Variants in MFN1 observed in about 807,000 individuals in gnomAD.
MFN1 encodes mitofusin 1, also known as mitofusin-1.
In MFN1, 65 loss-of-function variants were observed where a neutral mutation model predicts 92.4. The observed-to-expected ratio is 0.70, with a 90% confidence interval of 0.58 to 0.86. The LOEUF is 0.86. MFN1 is among the 40% of genes least tolerant of loss of function. The probability of loss-of-function intolerance (pLI) is 0.00; values close to 1 mark genes in which losing one functional copy is unlikely to be tolerated. For synonymous variants in MFN1, 297 were observed against 300.9 expected (o/e 0.99, Z 0.13); for missense variants, 781 against 868.0 (o/e 0.90, Z 1.26).
chr3:179,378,085 A>G (rs1330433051), intron 12 of MFN1: 1 of 388,974 alleles, frequency 2.6e-6, no homozygotes, highest in Non-Finnish European at 4.6e-6. Flanking sequence ...ATAGCCAAGC[A>G]TGGCGACACG....
chr3:179,361,530 ATC>A (rs1254667435), intron 4 of MFN1, among the ~76,000 whole-genome samples: 3 of 147,548 alleles, frequency 2.0e-5, no homozygotes, highest in Non-Finnish European at 3.0e-5. Flanking sequence ...CCAAATGTTT[ATC>A]TCTCACTTTT....
In MFN1 at chr3:179,393,720, A is replaced by G. The variant is rs1332938996; in HGVS notation, c.*1661A>G. ...GGAAAAACAGTGTCTAAGATCACGT[A>G]CTGCTAATTTAGGTTACAAAACTCA... On this transcript the variant is annotated 3_prime_UTR_variant, in exon 18 of 18. Transcript: ENST00000471841. 6.6e-6 allele frequency: 1 copy of G among 152,258 alleles called. No individual in the cohort carries two copies. Among genetic ancestry groups the G allele is most frequent in the Non-Finnish European group, 1.5e-5 (1 of 68,052 alleles). 9.4% of individuals were successfully genotyped at this position (152,258 alleles called of 1,614,324 possible).
rs1560197664 is a variant in MFN1 at position 179,377,062 on chromosome 3, G to A, written c.1118G>A (p.Arg373Lys). ...AATAGGCATTATTCAGTGGAAGAGA[G>A]GGAAGACCAAATTGATAGACTGGAC... is the stretch of plus-strand genomic sequence containing the variant. Reference protein sequence around the residue: ...EDKRHYSVEEREDQIDRLDFI... With the variant: ...EDKRHYSVEEKEDQIDRLDFI... Residue 373 changes from arginine to lysine, a missense_variant, in exon 11 of 18, where the codon AGG becomes AAG. By Grantham distance (26) the Arg-to-Lys change is conservative. Transcript: ENST00000471841. 6.2e-7 allele frequency: 1 copy of A among 1,613,806 alleles called. No individual in the cohort carries two copies. The highest frequency in any genetic ancestry group is 2.2e-5 in the East Asian group (1 of 44,800).
In MFN1 at chr3:179,364,292, A is replaced by G; in HGVS notation, c.537-5A>G. On this transcript the variant is annotated splice_polypyrimidine_tract_variant and splice_region_variant and intron_variant, in intron 5 of 17. Transcript: ENST00000471841. The stretch of plus-strand genomic sequence containing the variant: ...ATAATACAATTTTTATTTCACTCTC[A>G]TTAGTCCAGGCACAGATGTCACTAC... The G allele has an allele frequency of 1.3e-6, 2 of 1,586,746 alleles. No individual in the cohort carries two copies. The highest frequency in any genetic ancestry group is 1.7e-6 in the Non-Finnish European group (2 of 1,167,694).
At chr3:179,367,644 G>T (rs372569285) in intron 8 of MFN1, 52 bp downstream of exon 8, 12 of 1,469,078 alleles carry the variant, frequency 8.2e-6, no homozygotes, top group African/African-American at 4.4e-5. Flanking sequence ...TTTAAAATTG[G>T]CTGGGTGCGG....
rs1713969355 is a variant in MFN1, at chr3:179,393,027, A to C, written c.*968A>C. ...AGCTGATTGAGTCTGTACATATGTA[A>C]ATTATGCCTAGTGGAGGTTCTGTTG... On this transcript the variant is annotated 3_prime_UTR_variant, in exon 18 of 18. Transcript: ENST00000471841. The C allele has an allele frequency of 6.6e-6, 1 of 152,166 alleles. No individual in the cohort carries two copies. Among genetic ancestry groups the C allele is most frequent in the Non-Finnish European group, 1.5e-5 (1 of 68,028 alleles). 9.4% of individuals were successfully genotyped at this position (152,166 alleles called of 1,614,324 possible).
At chr3:179,366,662 A>C (rs191395097) in intron 7 of MFN1, among the ~76,000 whole-genome samples, 85 of 152,328 alleles carry the variant, frequency 5.6e-4, no homozygotes, top group Non-Finnish European at 9.6e-4. Flanking sequence ...GTTGTCTTAC[A>C]GTCTTGCTCT....
chr3:179,380,792 C>A (rs1713435739), intron 14 of MFN1, among the ~76,000 whole-genome samples: 1 of 152,094 alleles, frequency 6.6e-6, no homozygotes, highest in Admixed American at 6.6e-5. Context: ...ATGCTTTTGC[C>A]AGCACAAGGA....
intron 14 of MFN1, among the ~76,000 whole-genome samples, chr3:179,379,172 C>T (rs184435501): frequency 2.0e-5 from 3 of 152,240 alleles, no homozygotes; most frequent in East Asian, 3.9e-4. Context: ...TGCCCAAATT[C>T]CCCCACACAA....
At chr3:179,385,282 G>A (rs539422454) in intron 14 of MFN1, among the ~76,000 whole-genome samples, 1 of 146,974 alleles carries the variant, frequency 6.8e-6, no homozygotes. Flanking sequence ...TGCTTTTGTT[G>A]TTAGTTTTTT....
intron 9 of MFN1, among the ~76,000 whole-genome samples, chr3:179,371,517 A>G (rs1713022909): frequency 6.6e-6 from 1 of 152,328 alleles, no homozygotes; most frequent in Non-Finnish European, 1.5e-5. Flanking sequence ...TTCTTTCAAA[A>G]AAAAGGAAGA....
intron 14 of MFN1, among the ~76,000 whole-genome samples, chr3:179,384,215 A>G (rs955300179): frequency 6.6e-6 from 1 of 152,224 alleles, no homozygotes; most frequent in East Asian, 1.9e-4. Context: ...AACACTATCC[A>G]TTCACCAGTT....
At chr3:179,363,134 C>T (rs1300779515) in intron 5 of MFN1, among the ~76,000 whole-genome samples, 2 of 152,148 alleles carry the variant, frequency 1.3e-5, no homozygotes, top group African/African-American at 2.4e-5. Flanking sequence ...GACAGAGTCT[C>T]ACTCTGTCAC....
chr3:179,383,863 C>T (rs1429966580), intron 14 of MFN1, among the ~76,000 whole-genome samples: 1 of 152,160 alleles, frequency 6.6e-6, no homozygotes, highest in African/African-American at 2.4e-5. Context: ...AAAAGAAAAA[C>T]TTTAAAAAAT....
intron 12 of MFN1, 39 bp from the exon 13 acceptor site, chr3:179,378,302 T>C: frequency 1.4e-6 from 2 of 1,415,524 alleles, no homozygotes; most frequent in South Asian, 2.5e-5. Context: ...ACATACTTTC[T>C]GGAGAAAAAA....
chr3:179,360,389 G>A (rs1012867753), intron 4 of MFN1, among the ~76,000 whole-genome samples: 2 of 152,050 alleles, frequency 1.3e-5, no homozygotes, highest in South Asian at 2.1e-4. Flanking sequence ...TTGGGCCCTG[G>A]CATCTGTTTT....
At chr3:179,385,859 G>T (rs1177399626) in intron 15 of MFN1, 138 bp downstream of exon 15, 4 of 803,652 alleles carry the variant, frequency 5.0e-6, no homozygotes, top group Non-Finnish European at 7.6e-6. Flanking sequence ...CAGGTTAAAA[G>T]TAGTGAATTA....
chr3:179,367,354 G>C, intron 7 of MFN1, 85 bp from the exon 8 acceptor site: 1 of 1,144,936 alleles, frequency 8.7e-7, no homozygotes, highest in Non-Finnish European at 1.2e-6. Context: ...ATATCACTGT[G>C]AATAAAGTAA....
intron 14 of MFN1, among the ~76,000 whole-genome samples, chr3:179,383,201 G>A (rs1163194519): frequency 6.6e-6 from 1 of 152,112 alleles, no homozygotes; most frequent in Non-Finnish European, 1.5e-5. Flanking sequence ...TATGGTTTTA[G>A]GTCTAACATT....
Sources: allele counts gnomAD v4.1 joint callset (sites outside exome capture counted in the v4.1 genomes callset), GRCh38; gene constraint gnomAD v4.1.1; transcripts MANE v1.5; gene names NCBI Gene and HGNC (gene_info 2026-07-23, HGNC 2026-07-21).